Variants in RAI1 observed in about 807,000 individuals in gnomAD.
The protein encoded by RAI1 is retinoic acid-induced protein 1.
Under a neutral mutation model 123.8 loss-of-function variants are expected in RAI1, and 9 were observed. The observed-to-expected ratio is 0.07, with a 90% CI of 0.04 to 0.13. The LOEUF (loss-of-function observed/expected upper bound fraction) is 0.13. RAI1 is among the 10% of genes least tolerant of loss of function. The pLI is 1.00. For synonymous variants in RAI1, 1,231 were observed against 1,127.3 expected (o/e 1.09, Z -1.84); for missense variants, 2,256 against 2,545.8 (o/e 0.89, Z 2.45).
chr17:17,740,707 C>T (rs1227464980), intron 2 of RAI1, among the ~76,000 whole-genome samples: 2 of 152,162 alleles, frequency 1.3e-5, no homozygotes, highest in African/African-American at 2.4e-5. Context: ...GAGGGAGGTC[C>T]AGGCAGCAGG....
intron 2 of RAI1, among the ~76,000 whole-genome samples, chr17:17,735,548 G>A (rs1057002438): frequency 6.6e-6 from 1 of 151,612 alleles, no homozygotes; most frequent in African/African-American, 2.4e-5. Context: ...GTAGAGTCGG[G>A]GTTTCACCAT....
At chr17:17,717,943 G>C (rs577965487) in intron 1 of RAI1, among the ~76,000 whole-genome samples, 1 of 152,302 alleles carries the variant, frequency 6.6e-6, no homozygotes, top group South Asian at 2.1e-4. Context: ...GACCTCATGG[G>C]ATGGCCTCCT....
chr17:17,796,774 C>T lies in RAI1; in HGVS notation c.3826C>T (p.Pro1276Ser), dbSNP rs182526540. The T allele has an allele frequency of 6.8e-6, 11 of 1,612,946 alleles. No individual in the cohort carries two copies. The highest frequency in any genetic ancestry group is 9.3e-6 in the Non-Finnish European group (11 of 1,179,714). The change falls in exon 3 of 6, where the codon CCC becomes TCC. Residue 1276 changes from proline (P) to serine (S), a missense_variant. Transcript: ENST00000353383. This position sits in a 1 kb window ranked among gnomAD's most constrained non-coding sequence, Gnocchi z 5.8. Reference sequence around the variant, plus strand: ...CACCCTCTTCAAGAGGATGTCTTCTCCCAAGAAAGCCAAGCCCACCAAGGG... The same window carrying T: ...CACCCTCTTCAAGAGGATGTCTTCTTCCAAGAAAGCCAAGCCCACCAAGGG... ...SPTLFKRMSS[P>S]KKAKPTKGNG... is the part of the protein sequence containing the mutation.
At position 17,810,054 on chromosome 17, in the gene RAI1, T is replaced by G. The variant is rs1438463865; in HGVS notation, c.*73T>G. On this transcript the variant is annotated 3_prime_UTR_variant, in exon 6 of 6. Coordinates refer to ENST00000353383, the MANE Select transcript of RAI1 (RefSeq NM_030665.4). The surrounding 1 kb of genome is among the most constrained non-coding windows in gnomAD (Gnocchi z 4.6). Reference sequence around the variant, plus strand: ...CCGCCGCCGAAGGAGAGGAGCCGCCTGCGCAGCCCCCGGGCCTTTGAGCTG... The same window carrying G: ...CCGCCGCCGAAGGAGAGGAGCCGCCGGCGCAGCCCCCGGGCCTTTGAGCTG... 1 of 1,535,540 alleles carries G rather than the reference T, an allele frequency of 6.5e-7. No homozygotes were observed.
chr17:17,805,652 G>A (rs1333569555), intron 4 of RAI1, among the ~76,000 whole-genome samples: 3 of 152,216 alleles, frequency 2.0e-5, no homozygotes, highest in Non-Finnish European at 4.4e-5. Context: ...GGACACAGAG[G>A]ACTCTGAGTG....
At chr17:17,701,719 C>T (rs1291221707) in intron 1 of RAI1, among the ~76,000 whole-genome samples, 1 of 152,198 alleles carries the variant, frequency 6.6e-6, no homozygotes. Context: ...CTCAGCCTCC[C>T]AAGTAGCTGA....
In RAI1 at chr17:17,799,673, G is replaced by T. The variant is rs2032389444; in HGVS notation, c.5565+1160G>T. Among the ~76,000 whole-genome samples, 1 of 152,190 alleles carries T rather than the reference G, an allele frequency of 6.6e-6. No homozygotes were observed. Among genetic ancestry groups the T allele is most frequent in the African/African-American group, 2.4e-5 (1 of 41,440 alleles). On this transcript the variant is annotated intron_variant, in intron 3 of 5. Coordinates refer to ENST00000353383, the MANE Select transcript of RAI1 (RefSeq NM_030665.4). The surrounding 1 kb of genome is among the most constrained non-coding windows in gnomAD (Gnocchi z 4.5). ...CTGAGGTCACAGGGGAGCCAGAGGG[G>T]CTTGGCAGGGGTCTCCAGAGGCCCT...
chr17:17,713,710 G>T (rs987977195), intron 1 of RAI1, among the ~76,000 whole-genome samples: 1 of 152,216 alleles, frequency 6.6e-6, no homozygotes, highest in African/African-American at 2.4e-5. Flanking sequence ...GTCATAGGGT[G>T]AAGGGGATTC....
chr17:17,797,246 AG>A lies in RAI1; in HGVS notation c.4300del (p.Ala1434ProfsTer42). 1 of 1,613,378 alleles carries A rather than the reference AG, an allele frequency of 6.2e-7. No individual in the cohort carries two copies. On this transcript the variant is annotated frameshift_variant, in exon 3 of 6. Transcript: ENST00000353383. ...CFKTEAFTSP[E>X]ALQPGGTALA... ...AAAACCGAGGCCTTCACATCCCCGG[AG>A]GCCCTGCAGCCTGGGGGGACTGCCC...
chr17:17,811,221 C>A lies in RAI1; in HGVS notation c.*1240C>A. Reference sequence around the variant, plus strand: ...TGGTAAACGTGTGTATTATATCTGGCCTCGTTATATAGTGTATATATATGT... The same window carrying A: ...TGGTAAACGTGTGTATTATATCTGGACTCGTTATATAGTGTATATATATGT... On this transcript the variant is annotated 3_prime_UTR_variant, in exon 6 of 6. Coordinates refer to ENST00000353383, the MANE Select transcript of RAI1 (RefSeq NM_030665.4). The A allele has an allele frequency of 3.0e-6, 1 of 332,004 alleles. No individual in the cohort carries two copies. Among genetic ancestry groups the A allele is most frequent in the Non-Finnish European group, 5.9e-6 (1 of 170,240 alleles). The allele number at this position is 332,004 out of a possible 1,614,324, so 20.6% of individuals were successfully genotyped here.
Position 17,811,403 on chromosome 17 carries a change from G to GAAAAA in RAI1, c.*1436_*1440dup. 8.6e-5 allele frequency: 14 copies of GAAAAA among 162,272 alleles called. No homozygotes were observed. The highest frequency in any genetic ancestry group is 1.3e-4 in the Non-Finnish European group (10 of 79,760). 10.1% of individuals were successfully genotyped at this position (162,272 alleles called of 1,614,324 possible). A position where few individuals can be genotyped will look rare whatever the true frequency, so the allele number is the denominator to read the frequency against. ...GAGTAAAAAACAGTCATTGCATTCA[G>GAAAAA]AAAAAAAAAAAAAAAAAAGTCAATA... On this transcript the variant is annotated 3_prime_UTR_variant, in exon 6 of 6. Coordinates refer to ENST00000353383, the MANE Select transcript of RAI1 (RefSeq NM_030665.4).
intron 1 of RAI1, among the ~76,000 whole-genome samples, chr17:17,712,083 A>G (rs1355400267): frequency 1.4e-4 from 21 of 152,208 alleles, no homozygotes; most frequent in Admixed American, 1.4e-3. Context: ...CAGGCAGAGG[A>G]CCACCAGTTT....
chr17:17,734,562 A>G (rs1916365056), intron 2 of RAI1, among the ~76,000 whole-genome samples: 1 of 152,256 alleles, frequency 6.6e-6, no homozygotes, highest in Non-Finnish European at 1.5e-5. Flanking sequence ...GGGCTAACCA[A>G]GGCCGCTGGG....
chr17:17,792,031 G>A (rs748199055), intron 2 of RAI1, among the ~76,000 whole-genome samples: 6 of 152,236 alleles, frequency 3.9e-5, no homozygotes, highest in Non-Finnish European at 5.9e-5. Context: ...GGGCTGTGTC[G>A]CCCCATGTGG....
chr17:17,792,762 G>A (rs1024401278), intron 2 of RAI1, among the ~76,000 whole-genome samples, 171 bp from the exon 3 acceptor site: 1 of 150,604 alleles, frequency 6.6e-6, no homozygotes, highest in Non-Finnish European at 1.5e-5. Context: ...AGGCGAAGGG[G>A]GGACTATTAA....
intron 1 of RAI1, among the ~76,000 whole-genome samples, chr17:17,697,969 T>G (rs1915092675): frequency 6.6e-6 from 1 of 152,218 alleles, no homozygotes; most frequent in African/African-American, 2.4e-5. Context: ...GCGCACTGAC[T>G]GAGTTGCTGG....
At chr17:17,765,955 C>T (rs926828788) in intron 2 of RAI1, 42 of 152,352 alleles carry the variant, frequency 2.8e-4, no homozygotes, top group African/African-American at 1.0e-3. Flanking sequence ...GCCCCTGGAG[C>T]CTCCCAGCCT....
chr17:17,684,481 G>A (rs1363342469), intron 1 of RAI1: 1 of 151,780 alleles, frequency 6.6e-6, no homozygotes, highest in African/African-American at 2.4e-5. Context: ...TGCAACAAAT[G>A]TTAATTGCAA....
chr17:17,713,407 AG>A (rs1344366685), intron 1 of RAI1, among the ~76,000 whole-genome samples: 1 of 152,174 alleles, frequency 6.6e-6, no homozygotes, highest in East Asian at 1.9e-4. Context: ...TGGGAGGCCG[AG>A]GTGCACGGAT....
Sources: gnomAD v4.1 joint callset for allele counts (sites outside exome capture counted in the v4.1 genomes callset) on GRCh38, gnomAD v4.1.1 for gene constraint, Gnocchi (gnomAD v3.1) non-coding constraint, MANE v1.5 for transcripts, NCBI Gene and HGNC (gene_info 2026-07-23, HGNC 2026-07-21) for gene names.